COP1: variants seen among roughly 807,000 people sequenced by gnomAD.
The protein encoded by COP1 is E3 ubiquitin-protein ligase COP1.
Under a neutral mutation model 101.3 loss-of-function variants are expected in COP1, and 24 were observed. That is an observed-to-expected ratio of 0.24 (90% CI 0.17 to 0.33). The LOEUF is 0.33. Ranked by LOEUF, COP1 falls within the 10% of genes least tolerant of loss-of-function variation. COP1 has a pLI of 1.00. For missense variants in COP1, 663 were observed against 906.2 expected (o/e 0.73, Z 3.45); for synonymous variants, 347 against 341.9 (o/e 1.01, Z -0.17).
At chr1:175,963,164 C>G (rs574728487) in intron 18 of COP1, among the ~76,000 whole-genome samples, 10 of 152,094 alleles carry the variant, frequency 6.6e-5, no homozygotes, top group Admixed American at 1.3e-4. Flanking sequence ...TGCACTATAC[C>G]CACTGCTATG....
chr1:176,080,159 C>T (rs1381236421), intron 11 of COP1, among the ~76,000 whole-genome samples: 2 of 152,048 alleles, frequency 1.3e-5, no homozygotes, highest in African/African-American at 2.4e-5. Flanking sequence ...ACAATTTTAT[C>T]TGTCAATTTT....
At chr1:176,067,732 T>G (rs1458229807) in intron 11 of COP1, among the ~76,000 whole-genome samples, 2 of 152,120 alleles carry the variant, frequency 1.3e-5, no homozygotes, top group African/African-American at 4.8e-5. Context: ...TACAGAAAGC[T>G]CTCTGACCTT....
At chr1:175,973,259 A>C (rs2148624037) in intron 18 of COP1, among the ~76,000 whole-genome samples, 1 of 152,348 alleles carries the variant, frequency 6.6e-6, no homozygotes, top group South Asian at 2.1e-4. Context: ...AAAAGAGTTA[A>C]CTTTGCAAAT....
At chr1:175,961,893 C>T (rs1651414992) in intron 18 of COP1, among the ~76,000 whole-genome samples, 1 of 146,260 alleles carries the variant, frequency 6.8e-6, no homozygotes, top group African/African-American at 2.6e-5. Flanking sequence ...CACGGTCATG[C>T]ACATGGAATA....
chr1:176,151,380 A>T (rs1339469033), intron 5 of COP1, among the ~76,000 whole-genome samples: 2 of 113,836 alleles, frequency 1.8e-5, no homozygotes, highest in African/African-American at 5.2e-5. Flanking sequence ...AAAGAAAGAA[A>T]GAAAGAAAGA....
intron 18 of COP1, chr1:175,982,534 ATTTTC>A: frequency 2.8e-6 from 1 of 350,932 alleles, no homozygotes; most frequent in Non-Finnish European, 5.5e-6. Flanking sequence ...TCTTAATAAT[ATTTTC>A]TTTTGTCTAG....
At chr1:176,117,143 T>C (rs541572642) in intron 8 of COP1, among the ~76,000 whole-genome samples, 18 of 152,214 alleles carry the variant, frequency 1.2e-4, no homozygotes, top group Admixed American at 3.9e-4. Context: ...TTTCCTCATC[T>C]GTAAAAATGA....
intron 12 of COP1, among the ~76,000 whole-genome samples, chr1:176,045,497 A>G (rs1185407094): frequency 2.0e-5 from 3 of 152,018 alleles, no homozygotes; most frequent in African/African-American, 7.2e-5. Context: ...AGTTCTATAC[A>G]AAGTTATTAT....
intron 9 of COP1, among the ~76,000 whole-genome samples, chr1:176,112,274 T>A (rs926104071): frequency 3.3e-5 from 5 of 152,154 alleles, no homozygotes; most frequent in Admixed American, 2.0e-4. Flanking sequence ...GATTCAAGTT[T>A]TTTTTTTAAA....
At chr1:176,176,807 GAAAAA>G in intron 2 of COP1, among the ~76,000 whole-genome samples, 1 of 59,176 alleles carries the variant, frequency 1.7e-5, no homozygotes, top group Non-Finnish European at 5.5e-5. Flanking sequence ...GACCCTGTCT[GAAAAA>G]AAGAGAAAAA....
At chr1:176,069,713 C>T (rs1013166767) in intron 11 of COP1, among the ~76,000 whole-genome samples, 3 of 152,228 alleles carry the variant, frequency 2.0e-5, no homozygotes, top group African/African-American at 7.2e-5. Context: ...AAAGTACCTG[C>T]CTCTGCATCC....
At chr1:175,984,095 G>A (rs894396279) in intron 18 of COP1, among the ~76,000 whole-genome samples, 14 of 152,212 alleles carry the variant, frequency 9.2e-5, no homozygotes, top group Admixed American at 3.3e-4. Flanking sequence ...AAGTAACATG[G>A]AGCTGAATGT....
At chr1:176,098,891 T>G (rs1029312657) in intron 9 of COP1, among the ~76,000 whole-genome samples, 1 of 152,202 alleles carries the variant, frequency 6.6e-6, no homozygotes, top group Non-Finnish European at 1.5e-5. Context: ...AGTATCCAAA[T>G]GAGGGGTAAA....
intron 6 of COP1, among the ~76,000 whole-genome samples, chr1:176,147,264 C>T (rs1247190971): frequency 6.6e-6 from 1 of 152,136 alleles, no homozygotes; most frequent in East Asian, 1.9e-4. Context: ...TTCAATCTGT[C>T]TGCACTAAAA....
chr1:176,167,634 GAACA>G (rs1484242039), intron 3 of COP1, among the ~76,000 whole-genome samples: 2 of 151,828 alleles, frequency 1.3e-5, no homozygotes, highest in Non-Finnish European at 2.9e-5. Context: ...ACAGTACTAA[GAACA>G]AACATTTCTT....
chr1:176,166,557 T>A lies in COP1; in HGVS notation c.566-2666A>T, dbSNP rs1418061116. Among the ~76,000 whole-genome samples, 3 of 152,280 alleles carry A rather than the reference T, an allele frequency of 2.0e-5. No individual in the cohort carries two copies. The East Asian group carries it at 5.8e-4, about 29-fold the overall frequency. ...ATGTCATATAAAGACATTTAAATTC[T>A]ACATTTACCAAACGAAGTTTTTTAC... On this transcript the variant is annotated intron_variant, in intron 3 of 19. Coordinates refer to ENST00000367669, the MANE Select transcript of COP1 (RefSeq NM_022457.7).
chr1:176,061,090 T>G (rs146759289), intron 11 of COP1, among the ~76,000 whole-genome samples: 1 of 152,272 alleles, frequency 6.6e-6, no homozygotes, highest in East Asian at 1.9e-4. Context: ...CATGACAGTA[T>G]GGTACTGGCC....
chr1:175,996,040 T>A (rs1308632868), intron 15 of COP1, among the ~76,000 whole-genome samples: 1 of 152,120 alleles, frequency 6.6e-6, no homozygotes, highest in Middle Eastern at 3.2e-3. Flanking sequence ...ATCAAAAAGC[T>A]TATCCACCAT....
At chr1:176,022,185 A>G (rs1267110481) in intron 15 of COP1, among the ~76,000 whole-genome samples, 2 of 152,226 alleles carry the variant, frequency 1.3e-5, no homozygotes, top group Non-Finnish European at 2.9e-5. Flanking sequence ...AAAGAACAAA[A>G]TAACAAAATA....
Sources: gnomAD v4.1 joint callset for allele counts (sites outside exome capture counted in the v4.1 genomes callset) on GRCh38, gnomAD v4.1.1 for gene constraint, MANE v1.5 for transcripts, NCBI Gene and HGNC (gene_info 2026-07-23, HGNC 2026-07-21) for gene names.